Variants in MAP3K5 observed in about 807,000 individuals in gnomAD.
The protein encoded by MAP3K5 is mitogen-activated protein kinase kinase kinase 5.
Under a neutral mutation model 158.7 loss-of-function variants are expected in MAP3K5, and 56 were observed. That is an observed-to-expected ratio of 0.35 (90% confidence interval 0.28 to 0.44). The LOEUF is 0.44. Among genes scored for constraint, MAP3K5 ranks in the 20% least tolerant of loss-of-function variants. MAP3K5 has a pLI of 1.00. For synonymous variants in MAP3K5, 579 were observed against 601.7 expected (o/e 0.96, Z 0.55); for missense variants, 1,294 against 1,674.8 (o/e 0.77, Z 3.97).
chr6:136,776,359 C>T (rs1199894301), intron 1 of MAP3K5, among the ~76,000 whole-genome samples: 1 of 152,178 alleles, frequency 6.6e-6, no homozygotes, highest in African/African-American at 2.4e-5. Flanking sequence ...ATCCTCCCAC[C>T]TCAGCCTCCT....
chr6:136,559,848 A>G (rs2327741), intron 28 of MAP3K5, among the ~76,000 whole-genome samples: 17,885 of 152,172 alleles, frequency 0.12, 1,143 homozygotes, highest in East Asian at 0.16. Flanking sequence ...TTACTTTTAA[A>G]CCAAATAAAA....
intron 25 of MAP3K5, among the ~76,000 whole-genome samples, chr6:136,574,323 C>T (rs568795073): frequency 1.5e-4 from 23 of 152,338 alleles, no homozygotes; most frequent in African/African-American, 4.8e-4. Context: ...TGAAGCTCCT[C>T]GTACGTACAC....
At chr6:136,765,878 GAAGC>G (rs1399151812) in intron 1 of MAP3K5, among the ~76,000 whole-genome samples, 3 of 152,036 alleles carry the variant, frequency 2.0e-5, no homozygotes, top group African/African-American at 7.2e-5. Context: ...AAGGCTTAGA[GAAGC>G]AAGAACACAG....
At chr6:136,705,661 T>C (rs1781044625) in intron 2 of MAP3K5, among the ~76,000 whole-genome samples, 1 of 152,056 alleles carries the variant, frequency 6.6e-6, no homozygotes, top group Non-Finnish European at 1.5e-5. Flanking sequence ...TTGTCTGCAG[T>C]TTAAAAAACA....
chr6:136,585,017 A>C (rs560123020), intron 23 of MAP3K5, among the ~76,000 whole-genome samples: 1 of 152,218 alleles, frequency 6.6e-6, no homozygotes, highest in East Asian at 1.9e-4. Context: ...AATTGCTTCT[A>C]AGAACGGACC....
At chr6:136,681,128 G>C (rs1002673158) in intron 7 of MAP3K5, among the ~76,000 whole-genome samples, 13 of 152,202 alleles carry the variant, frequency 8.5e-5, no homozygotes, top group Admixed American at 3.9e-4. Context: ...GATGTTCTCA[G>C]CCAGATTTGC....
intron 7 of MAP3K5, among the ~76,000 whole-genome samples, chr6:136,671,593 A>G (rs1173802212): frequency 2.0e-5 from 3 of 152,154 alleles, no homozygotes; most frequent in Non-Finnish European, 4.4e-5. Flanking sequence ...AAATTTGCCA[A>G]TATCAAAACT....
At chr6:136,721,061 G>A (rs985324743) in intron 1 of MAP3K5, among the ~76,000 whole-genome samples, 1 of 152,102 alleles carries the variant, frequency 6.6e-6, no homozygotes, top group Admixed American at 6.6e-5. Context: ...TTACAGGTGT[G>A]AGCCACCATG....
At chr6:136,625,583 G>A (rs1247720126) in intron 14 of MAP3K5, among the ~76,000 whole-genome samples, 2 of 152,224 alleles carry the variant, frequency 1.3e-5, no homozygotes, top group African/African-American at 4.8e-5. Context: ...TGATCCTGGT[G>A]CTGTTTGAAC....
At chr6:136,578,165 C>T (rs1403622760) in intron 25 of MAP3K5, among the ~76,000 whole-genome samples, 1 of 152,192 alleles carries the variant, frequency 6.6e-6, no homozygotes, top group Non-Finnish European at 1.5e-5. Flanking sequence ...TACAACCAGC[C>T]TTATCCTAAT....
chr6:136,714,778 C>T (rs764492993), intron 2 of MAP3K5, among the ~76,000 whole-genome samples: 2 of 151,868 alleles, frequency 1.3e-5, no homozygotes, highest in Non-Finnish European at 1.5e-5. Flanking sequence ...GGGGAGCTGC[C>T]GTATTATTAA....
chr6:136,642,713 A>G, intron 11 of MAP3K5, 144 bp from the exon 12 acceptor site: 2 of 642,530 alleles, frequency 3.1e-6, no homozygotes, highest in East Asian at 5.4e-5. Context: ...ATCTGGATGG[A>G]AAGCACAATT....
chr6:136,671,772 C>A (rs1181991622), intron 7 of MAP3K5, among the ~76,000 whole-genome samples: 2 of 151,908 alleles, frequency 1.3e-5, no homozygotes, highest in Non-Finnish European at 2.9e-5. Flanking sequence ...CACCACCATG[C>A]CCGAATAATT....
At chr6:136,640,491 G>A (rs964013078) in intron 12 of MAP3K5, among the ~76,000 whole-genome samples, 4 of 152,094 alleles carry the variant, frequency 2.6e-5, no homozygotes, top group Non-Finnish European at 4.4e-5. Context: ...CTCTATTCAC[G>A]ATTTAAGGCC....
intron 1 of MAP3K5, among the ~76,000 whole-genome samples, chr6:136,741,199 T>C (rs1352899785): frequency 1.3e-5 from 2 of 152,144 alleles, no homozygotes; most frequent in Non-Finnish European, 2.9e-5. Flanking sequence ...TAGTCCTTAG[T>C]AGCAAATAAA....
At chr6:136,598,999 C>T (rs931763498) in intron 21 of MAP3K5, among the ~76,000 whole-genome samples, 5 of 152,052 alleles carry the variant, frequency 3.3e-5, no homozygotes, top group South Asian at 4.1e-4. Flanking sequence ...GGCGAAACCC[C>T]GTCTTTACTA....
At chr6:136,771,788 C>T (rs1379584180) in intron 1 of MAP3K5, among the ~76,000 whole-genome samples, 2 of 152,208 alleles carry the variant, frequency 1.3e-5, no homozygotes, top group African/African-American at 4.8e-5. Context: ...CTCGCCTACC[C>T]TGCAGCAGCT....
intron 1 of MAP3K5, among the ~76,000 whole-genome samples, chr6:136,763,854 T>A (rs938316291): frequency 6.6e-6 from 1 of 151,696 alleles, no homozygotes; most frequent in Non-Finnish European, 1.5e-5. Context: ...ATCGCAGGAG[T>A]GGGACTGGTG....
In MAP3K5 at chr6:136,737,037, G is replaced by GTATATATATATATATATA. The variant is rs56011325; in HGVS notation, c.449-16466_449-16449dup. ...TAATTTTACATATATATATGTGTGT[G>GTATATATATATATATATA]TATATATATATATATATATAAACTT... is the stretch of plus-strand genomic sequence containing the variant. On this transcript the variant is annotated intron_variant, in intron 1 of 29. Transcript: ENST00000359015. 9.2e-4 allele frequency among the ~76,000 whole-genome samples: 117 copies of GTATATATATATATATATA among 126,950 alleles called. 2 individuals carry two copies. Among genetic ancestry groups the GTATATATATATATATATA allele is most frequent in the African/African-American group, 4.2e-3 (110 of 26,430 alleles). The allele number at this position is 126,950 out of a possible 152,430, so 83.3% of individuals were successfully genotyped here.
Sources: gnomAD v4.1 joint callset for allele counts (sites outside exome capture counted in the v4.1 genomes callset) on GRCh38, gnomAD v4.1.1 for gene constraint, MANE v1.5 for transcripts, NCBI Gene and HGNC (gene_info 2026-07-23, HGNC 2026-07-21) for gene names.